TNIK: variants seen among roughly 807,000 people sequenced by gnomAD.
TNIK encodes the protein TRAF2 and NCK interacting kinase.
In TNIK, 49 loss-of-function variants were observed where a neutral mutation model predicts 191.3. The observed-to-expected ratio is 0.26, with a 90% confidence interval of 0.20 to 0.32. The LOEUF (loss-of-function observed/expected upper bound fraction) is 0.32, where lower values mean the gene tolerates loss of function less well. Ranked by LOEUF, TNIK falls within the 10% of genes least tolerant of loss-of-function variation. The pLI is 1.00. For synonymous variants in TNIK, 594 were observed against 600.9 expected (o/e 0.99, Z 0.17); for missense variants, 1,155 against 1,702.3 (o/e 0.68, Z 5.66).
At chr3:171,127,405 C>T (rs1218117781) in intron 16 of TNIK, among the ~76,000 whole-genome samples, 1 of 151,470 alleles carries the variant, frequency 6.6e-6, no homozygotes, top group African/African-American at 2.4e-5. Context: ...GTATAAAACA[C>T]AAACCCACTT....
chr3:171,337,612 A>G (rs982006572), intron 2 of TNIK, among the ~76,000 whole-genome samples: 6 of 152,186 alleles, frequency 3.9e-5, no homozygotes, highest in Non-Finnish European at 7.3e-5. Context: ...ATCCATAACG[A>G]TAGATGTGTA....
At chr3:171,408,438 G>A (rs1192242121) in intron 1 of TNIK, among the ~76,000 whole-genome samples, 1 of 152,178 alleles carries the variant, frequency 6.6e-6, no homozygotes, top group East Asian at 1.9e-4. Context: ...GAAGGTGGCT[G>A]GAGGAAAGGG....
chr3:171,314,147 G>A (rs1754343684), intron 2 of TNIK, among the ~76,000 whole-genome samples: 1 of 152,136 alleles, frequency 6.6e-6, no homozygotes, highest in Non-Finnish European at 1.5e-5. Flanking sequence ...CAAGAGGTGA[G>A]GATGGCTATG....
intron 1 of TNIK, among the ~76,000 whole-genome samples, chr3:171,456,710 G>GT (rs1728834700): frequency 6.6e-6 from 1 of 152,172 alleles, no homozygotes; most frequent in Non-Finnish European, 1.5e-5. Context: ...ATGGTTTCAT[G>GT]TATCACAAGC....
At chr3:171,455,580 G>A (rs1728701643) in intron 1 of TNIK, among the ~76,000 whole-genome samples, 1 of 152,134 alleles carries the variant, frequency 6.6e-6, no homozygotes, top group South Asian at 2.1e-4. Context: ...GCAATCAAAT[G>A]TTGATGGTAT....
intron 1 of TNIK, among the ~76,000 whole-genome samples, chr3:171,385,116 T>C (rs961521526): frequency 6.6e-5 from 10 of 152,016 alleles, no homozygotes; most frequent in Non-Finnish European, 1.5e-4. Context: ...AAACGGTACA[T>C]TAAGGCCACT....
In TNIK at chr3:171,188,843, A is replaced by G. The variant is rs1560236158; in HGVS notation, c.509-11T>C. 6.2e-7 allele frequency: 1 copy of G among 1,612,354 alleles called. No homozygotes were observed. Among genetic ancestry groups the G allele is most frequent in the East Asian group, 2.2e-5 (1 of 44,846 alleles). On this transcript the variant is annotated splice_polypyrimidine_tract_variant and intron_variant, in intron 6 of 32. Transcript: ENST00000436636. ...TGACTCCAAAGTCCACTATTTAAGAAAAGACAAGTAAATAAAGTCTGTGAT... is the reference window on the plus strand; with the variant it reads ...TGACTCCAAAGTCCACTATTTAAGAGAAGACAAGTAAATAAAGTCTGTGAT...
At chr3:171,359,644 C>T (rs528719462) in intron 2 of TNIK, among the ~76,000 whole-genome samples, 39 of 152,260 alleles carry the variant, frequency 2.6e-4, no homozygotes, top group African/African-American at 8.7e-4. Flanking sequence ...TAGTAGTAAG[C>T]ATATATTTGC....
chr3:171,449,199 G>A (rs1727878080), intron 1 of TNIK, among the ~76,000 whole-genome samples: 1 of 151,948 alleles, frequency 6.6e-6, no homozygotes, highest in African/African-American at 2.4e-5. Context: ...TGTGAACAGT[G>A]CCATAATAAA....
intron 12 of TNIK, among the ~76,000 whole-genome samples, chr3:171,149,290 G>T (rs1159989194): frequency 6.6e-6 from 1 of 152,144 alleles, no homozygotes; most frequent in Non-Finnish European, 1.5e-5. Context: ...TCCATGCAAG[G>T]TACTCTAGAT....
chr3:171,167,237 G>A lies in TNIK; in HGVS notation c.807C>T (p.Cys269=). 3.7e-6 allele frequency: 6 copies of A among 1,613,850 alleles called. No individual in the cohort carries two copies. Among genetic ancestry groups the A allele is most frequent in the Non-Finnish European group, 5.1e-6 (6 of 1,179,842 alleles). Residue 269 remains cysteine, a synonymous_variant, in exon 10 of 33, where the codon TGC becomes TGT. Coordinates refer to ENST00000436636, the MANE Select transcript of TNIK (RefSeq NM_015028.4). ...SKKFQSFIES[C]LVKNHSQRPA... ...GTCGCTGGCTGTGATTCTTTACCAA[G>A]CAGCTCTCAATAAATGACTGGAATT...
chr3:171,206,321 A>C (rs1482009598), intron 4 of TNIK, among the ~76,000 whole-genome samples: 1 of 138,242 alleles, frequency 7.2e-6, no homozygotes, highest in Non-Finnish European at 1.6e-5. Context: ...ATATATGGAG[A>C]TATATATGTT....
At chr3:171,099,184 C>G (rs1412092796) in intron 22 of TNIK, among the ~76,000 whole-genome samples, 1 of 152,080 alleles carries the variant, frequency 6.6e-6, no homozygotes, top group Admixed American at 6.6e-5. Flanking sequence ...TAATCTCCCT[C>G]AAATATAACA....
Position 171,394,971 on chromosome 3 carries a change from G to T in TNIK, c.58-25286C>A, listed in dbSNP as rs550545069. ...CTCCGGGGAAATACGTCATTTGAGA[G>T]CACATATTTGGTTTAATTTTATACC... On this transcript the variant is annotated intron_variant, in intron 1 of 32. Transcript: ENST00000436636. Among the ~76,000 whole-genome samples, 17 of 152,288 alleles carry T rather than the reference G, an allele frequency of 1.1e-4. No homozygotes were observed. In the South Asian group the frequency reaches 2.9e-3, roughly 26 times the overall value.
chr3:171,072,067 C>T (rs1445863316), intron 28 of TNIK, among the ~76,000 whole-genome samples: 3 of 152,114 alleles, frequency 2.0e-5, no homozygotes, highest in Non-Finnish European at 2.9e-5. Flanking sequence ...CTCTTACCTA[C>T]GTGTGTGTCT....
At chr3:171,092,549 T>C (rs1722208666) in intron 23 of TNIK, among the ~76,000 whole-genome samples, 1 of 152,194 alleles carries the variant, frequency 6.6e-6, no homozygotes, top group Non-Finnish European at 1.5e-5. Context: ...ATTAACCACA[T>C]GAAGAGATTT....
At chr3:171,446,635 A>G (rs370100628) in intron 1 of TNIK, among the ~76,000 whole-genome samples, 15 of 152,204 alleles carry the variant, frequency 9.9e-5, no homozygotes, top group African/African-American at 3.6e-4. Context: ...TCTATCTTCT[A>G]TTTTCTCCAT....
chr3:171,302,323 A>C (rs990308683), intron 2 of TNIK, among the ~76,000 whole-genome samples: 1 of 135,946 alleles, frequency 7.4e-6, no homozygotes, highest in African/African-American at 2.7e-5. Flanking sequence ...CAACTGCCAC[A>C]CTCAAAGAGA....
At chr3:171,262,789 A>T (rs1163423946) in intron 2 of TNIK, among the ~76,000 whole-genome samples, 1 of 152,142 alleles carries the variant, frequency 6.6e-6, no homozygotes. Context: ...ATAAAACCAC[A>T]CTATTTCTGG....
Sources: gnomAD v4.1 joint callset for allele counts (sites outside exome capture counted in the v4.1 genomes callset) on GRCh38, gnomAD v4.1.1 for gene constraint, MANE v1.5 for transcripts, NCBI Gene and HGNC (gene_info 2026-07-23, HGNC 2026-07-21) for gene names.